GRIK2: variants seen among roughly 807,000 people sequenced by gnomAD.
GRIK2 encodes the protein glutamate receptor ionotropic, kainate 2.
GRIK2 carries 32 observed loss-of-function variants against 100.3 expected under a neutral mutation model. The ratio of observed to expected loss-of-function variants is 0.32; its 90% CI spans 0.24 to 0.43. The LOEUF (loss-of-function observed/expected upper bound fraction) is 0.43, where lower values mean the gene tolerates loss of function less well. Ranked by LOEUF, GRIK2 falls within the 20% of genes least tolerant of loss-of-function variation. The probability of loss-of-function intolerance (pLI) is 1.00; values close to 1 mark genes in which losing one functional copy is unlikely to be tolerated. For missense variants in GRIK2, 843 were observed against 1,114.9 expected (o/e 0.76, Z 3.47); for synonymous variants, 417 against 389.4 (o/e 1.07, Z -0.83).
At chr6:101,800,516 A>G (rs748243187) in intron 8 of GRIK2, among the ~76,000 whole-genome samples, 11 of 152,096 alleles carry the variant, frequency 7.2e-5, no homozygotes, top group Non-Finnish European at 1.5e-4. Flanking sequence ...ATGAAATATC[A>G]CAGGTATTAT....
chr6:101,916,795 A>G (rs1789140361), intron 12 of GRIK2, among the ~76,000 whole-genome samples: 1 of 151,756 alleles, frequency 6.6e-6, no homozygotes, highest in African/African-American at 2.4e-5. Flanking sequence ...TGTGACACAA[A>G]CATCAGGTGA....
At chr6:102,050,424 C>T (rs1292410925) in intron 15 of GRIK2, among the ~76,000 whole-genome samples, 1 of 151,822 alleles carries the variant, frequency 6.6e-6, no homozygotes, top group South Asian at 2.1e-4. Flanking sequence ...GAGGCCAAGG[C>T]GGGTGGATCA....
At chr6:101,658,806 T>G (rs1046517261) in intron 4 of GRIK2, among the ~76,000 whole-genome samples, 19 of 152,208 alleles carry the variant, frequency 1.2e-4, no homozygotes, top group African/African-American at 4.1e-4. Flanking sequence ...ATATATTTGT[T>G]GGCTGCAAAA....
chr6:101,882,312 G>A (rs939458064), intron 11 of GRIK2, among the ~76,000 whole-genome samples: 2 of 152,040 alleles, frequency 1.3e-5, no homozygotes, highest in Non-Finnish European at 2.9e-5. Flanking sequence ...GCATACAATT[G>A]AGAGTGCACA....
chr6:101,483,119 T>A (rs1018889534), intron 2 of GRIK2, among the ~76,000 whole-genome samples: 6 of 152,202 alleles, frequency 3.9e-5, no homozygotes, highest in Admixed American at 6.5e-5. Flanking sequence ...TACTTTTTTT[T>A]AAATCAGATA....
At chr6:102,023,040 A>T (rs1769513572) in intron 14 of GRIK2, among the ~76,000 whole-genome samples, 1 of 151,496 alleles carries the variant, frequency 6.6e-6, no homozygotes, top group African/African-American at 2.4e-5. Context: ...AGAATGCAGG[A>T]GTGGTTAAGA....
intron 14 of GRIK2, among the ~76,000 whole-genome samples, chr6:101,947,724 G>T (rs997053226): frequency 2.0e-5 from 3 of 152,108 alleles, no homozygotes; most frequent in Non-Finnish European, 2.9e-5. Context: ...GCATTAATTA[G>T]ACATGAGAGG....
rs571217392 is a variant in GRIK2, at chr6:101,648,277, A to G, written c.541+21640A>G. Among the ~76,000 whole-genome samples, 13 of 152,116 alleles carry G rather than the reference A, an allele frequency of 8.5e-5. No individual in the cohort carries two copies. The South Asian group carries it at 2.7e-3, about 32-fold the overall frequency. ...ACCGATGATTATATTCATTCACATA[A>G]CCATTTGTTAAATACACACTAAATG... On this transcript the variant is annotated intron_variant, in intron 4 of 16. Coordinates refer to ENST00000369134, the MANE Select transcript of GRIK2 (RefSeq NM_021956.5).
chr6:101,549,401 A>T (rs35183314), intron 2 of GRIK2, among the ~76,000 whole-genome samples: 1 of 151,762 alleles, frequency 6.6e-6, no homozygotes, highest in Non-Finnish European at 1.5e-5. Flanking sequence ...AGGTGGTTTT[A>T]TGTTAGTTCA....
At chr6:101,860,108 T>C (rs1366929635) in intron 11 of GRIK2, among the ~76,000 whole-genome samples, 1 of 152,182 alleles carries the variant, frequency 6.6e-6, no homozygotes, top group Non-Finnish European at 1.5e-5. Flanking sequence ...GGGTTTGGTA[T>C]GATCTTTCAA....
At chr6:101,612,843 A>G (rs553874525) in intron 2 of GRIK2, among the ~76,000 whole-genome samples, 2 of 151,592 alleles carry the variant, frequency 1.3e-5, no homozygotes, top group East Asian at 3.9e-4. Context: ...TGGTTCAATC[A>G]GGTAAAGGTA....
chr6:101,575,347 C>T (rs1350066860), intron 2 of GRIK2, among the ~76,000 whole-genome samples: 1 of 151,656 alleles, frequency 6.6e-6, no homozygotes, highest in Non-Finnish European at 1.5e-5. Flanking sequence ...TTTTAATTAA[C>T]ATGGGCAGAA....
At chr6:101,763,460 G>A (rs1268581380) in intron 7 of GRIK2, among the ~76,000 whole-genome samples, 1 of 152,174 alleles carries the variant, frequency 6.6e-6, no homozygotes, top group African/African-American at 2.4e-5. Context: ...TCTCCCAGAA[G>A]ACACACATTT....
chr6:101,716,613 G>T (rs577856604), intron 7 of GRIK2, among the ~76,000 whole-genome samples: 3 of 99,374 alleles, frequency 3.0e-5, no homozygotes, highest in African/African-American at 7.9e-5. Context: ...GGTGGGGGGA[G>T]GGGGGAGGGA....
At chr6:102,004,730 G>A (rs1436439444) in intron 14 of GRIK2, among the ~76,000 whole-genome samples, 3 of 151,796 alleles carry the variant, frequency 2.0e-5, no homozygotes, top group Non-Finnish European at 2.9e-5. Context: ...ATCAGCTAAT[G>A]TTATTTCAGC....
At chr6:101,440,021 G>T (rs2128245714) in intron 2 of GRIK2, among the ~76,000 whole-genome samples, 1 of 152,194 alleles carries the variant, frequency 6.6e-6, no homozygotes, top group South Asian at 2.1e-4. Flanking sequence ...CTTCGGTGAG[G>T]TTATGACCAA....
chr6:101,821,139 A>G (rs1781925370), intron 10 of GRIK2, among the ~76,000 whole-genome samples: 2 of 152,180 alleles, frequency 1.3e-5, no homozygotes, highest in African/African-American at 4.8e-5. Flanking sequence ...AATATTTTTC[A>G]AGTGTGCAGG....
intron 7 of GRIK2, among the ~76,000 whole-genome samples, chr6:101,709,621 T>C (rs1450029725): frequency 6.6e-6 from 1 of 151,870 alleles, no homozygotes; most frequent in Non-Finnish European, 1.5e-5. Flanking sequence ...TTTAAGCAGC[T>C]ATTCTCTAGT....
At position 101,684,956 on chromosome 6, in the gene GRIK2, G is replaced by A. The variant is rs183561550; in HGVS notation, c.778-1224G>A. ...TTCTTTTATGGTCCACTTCAGGGGA[G>A]AAAGGTGGGATAAGGTCACAGAGTG... On this transcript the variant is annotated intron_variant, in intron 6 of 16. Transcript: ENST00000369134. 2.7e-4 allele frequency among the ~76,000 whole-genome samples: 41 copies of A among 152,150 alleles called. No individual in the cohort carries two copies. The East Asian group carries it at 6.6e-3, about 25-fold the overall frequency.
Sources: gnomAD v4.1 joint callset for allele counts (sites outside exome capture counted in the v4.1 genomes callset) on GRCh38, gnomAD v4.1.1 for gene constraint, MANE v1.5 for transcripts, NCBI Gene and HGNC (gene_info 2026-07-23, HGNC 2026-07-21) for gene names.